The following FHIT variants were observed in gnomAD, a reference collection of about 807,000 sequenced individuals.
FHIT encodes fragile histidine triad diadenosine triphosphatase.
A neutral mutation model predicts 17.9 loss-of-function variants in FHIT; 19 were observed. That is an observed-to-expected ratio of 1.06 (90% CI 0.74 to 1.56). The LOEUF (loss-of-function observed/expected upper bound fraction) is 1.56, where lower values mean the gene tolerates loss of function less well. Ranked by LOEUF, FHIT falls within the 40% of genes most tolerant of loss-of-function variation. FHIT has a pLI of 0.00. For synonymous variants in FHIT, 81 were observed against 69.7 expected (o/e 1.16, Z -0.81); for missense variants, 248 against 189.2 (o/e 1.31, Z -1.82).
At chr3:60,550,542 T>TA (rs1455951773) in intron 4 of FHIT, among the ~76,000 whole-genome samples, 8 of 151,866 alleles carry the variant, frequency 5.3e-5, no homozygotes, top group African/African-American at 1.9e-4. Context: ...AGAAAACACC[T>TA]AGGTATTTCA....
chr3:60,776,289 G>T (rs1275576534), intron 4 of FHIT, among the ~76,000 whole-genome samples: 3 of 152,132 alleles, frequency 2.0e-5, no homozygotes, highest in African/African-American at 7.2e-5. Context: ...TCTTCTGCCT[G>T]CCTGTGTGTG....
chr3:60,391,181 G>A (rs925522052), intron 5 of FHIT, among the ~76,000 whole-genome samples: 8 of 141,234 alleles, frequency 5.7e-5, no homozygotes, highest in Admixed American at 3.0e-4. Context: ...GAGTGAGACC[G>A]TCTGACAAAA....
chr3:59,892,609 G>C (rs1163176316), intron 8 of FHIT, among the ~76,000 whole-genome samples: 2 of 152,168 alleles, frequency 1.3e-5, no homozygotes, highest in African/African-American at 4.8e-5. Flanking sequence ...AGATTACAAA[G>C]TAGTATTCCT....
At chr3:59,986,607 G>A (rs1427457207) in intron 7 of FHIT, among the ~76,000 whole-genome samples, 3 of 63,610 alleles carry the variant, frequency 4.7e-5, no homozygotes, top group African/African-American at 8.1e-5. Flanking sequence ...ATATATATGT[G>A]TACATATATG....
intron 8 of FHIT, among the ~76,000 whole-genome samples, chr3:59,818,569 G>T (rs1380142278): frequency 6.6e-6 from 1 of 152,142 alleles, no homozygotes; most frequent in Non-Finnish European, 1.5e-5. Context: ...AGTTTTTTGG[G>T]GGACTTGTTT....
At chr3:59,978,544 C>T (rs1485824334) in intron 7 of FHIT, among the ~76,000 whole-genome samples, 1 of 151,588 alleles carries the variant, frequency 6.6e-6, no homozygotes, top group Non-Finnish European at 1.5e-5. Flanking sequence ...TAGTGGCCAT[C>T]TCTTTACCTC....
At chr3:61,000,898 A>G (rs2031033369) in intron 3 of FHIT, among the ~76,000 whole-genome samples, 1 of 152,180 alleles carries the variant, frequency 6.6e-6, no homozygotes, top group Non-Finnish European at 1.5e-5. Flanking sequence ...GCCCTAGGCC[A>G]TCCCAACCAT....
intron 3 of FHIT, among the ~76,000 whole-genome samples, chr3:60,861,786 A>G (rs1175800449): frequency 8.5e-5 from 13 of 152,150 alleles, no homozygotes; most frequent in Middle Eastern, 3.4e-3. Context: ...CAAAGTAAGA[A>G]CCAAAATAAA....
intron 5 of FHIT, among the ~76,000 whole-genome samples, chr3:60,369,139 A>G (rs1700225023): frequency 6.7e-6 from 1 of 149,574 alleles, no homozygotes; most frequent in African/African-American, 2.4e-5. Flanking sequence ...CGCCTTGCTA[A>G]TTTTTTTATT....
chr3:59,990,764 T>C (rs968853256), intron 7 of FHIT, among the ~76,000 whole-genome samples: 1 of 152,016 alleles, frequency 6.6e-6, no homozygotes, highest in African/African-American at 2.4e-5. Context: ...TTGACCAAAG[T>C]GGTTTAACAA....
intron 4 of FHIT, among the ~76,000 whole-genome samples, chr3:60,662,714 A>C (rs1204338502): frequency 6.6e-6 from 1 of 152,100 alleles, no homozygotes; most frequent in African/African-American, 2.4e-5. Context: ...TGCGTCATCT[A>C]TGATTTCCTT....
chr3:61,030,056 G>C (rs2032935335), intron 3 of FHIT, among the ~76,000 whole-genome samples: 1 of 152,122 alleles, frequency 6.6e-6, no homozygotes, highest in Non-Finnish European at 1.5e-5. Flanking sequence ...TGCAACCTTT[G>C]CGTCCCAGAC....
chr3:60,266,261 T>C (rs1051425229), intron 5 of FHIT, among the ~76,000 whole-genome samples: 5 of 151,936 alleles, frequency 3.3e-5, no homozygotes, highest in African/African-American at 1.2e-4. Flanking sequence ...TGATGAACCA[T>C]GAAAACATTA....
chr3:60,545,290 T>C (rs2036323943), intron 4 of FHIT, among the ~76,000 whole-genome samples: 1 of 152,210 alleles, frequency 6.6e-6, no homozygotes, highest in South Asian at 2.1e-4. Flanking sequence ...AGATCTATCC[T>C]ATGAAGTTTT....
intron 3 of FHIT, among the ~76,000 whole-genome samples, chr3:60,843,532 C>T (rs1170627261): frequency 6.6e-6 from 1 of 152,132 alleles, no homozygotes; most frequent in Non-Finnish European, 1.5e-5. Context: ...AAGAACATTC[C>T]TTCAGTCTAT....
intron 5 of FHIT, among the ~76,000 whole-genome samples, chr3:60,377,029 T>G (rs946837410): frequency 2.0e-5 from 3 of 152,178 alleles, no homozygotes; most frequent in Non-Finnish European, 4.4e-5. Flanking sequence ...TTTACTAAAA[T>G]AATATCTTTC....
chr3:60,701,880 A>G (rs2041256323), intron 4 of FHIT, among the ~76,000 whole-genome samples: 1 of 152,194 alleles, frequency 6.6e-6, no homozygotes, highest in Non-Finnish European at 1.5e-5. Flanking sequence ...GTTCCTCCCA[A>G]AAGTTAGTTC....
At chr3:60,209,472 C>T (rs1194362278) in intron 5 of FHIT, among the ~76,000 whole-genome samples, 1 of 152,178 alleles carries the variant, frequency 6.6e-6, no homozygotes, top group Non-Finnish European at 1.5e-5. Flanking sequence ...CTCACCATCT[C>T]ACCATCTTTC....
intron 3 of FHIT, among the ~76,000 whole-genome samples, chr3:60,866,365 C>T (rs1371024485): frequency 2.6e-5 from 4 of 152,108 alleles, no homozygotes; most frequent in East Asian, 1.9e-4. Context: ...TAAAGCTTTC[C>T]CCCTTTTCTC....
Sources: allele counts gnomAD v4.1 joint callset (sites outside exome capture counted in the v4.1 genomes callset), GRCh38; gene constraint gnomAD v4.1.1; transcripts MANE v1.5; gene names NCBI Gene and HGNC (gene_info 2026-07-23, HGNC 2026-07-21).